The following DCDC2C variants were observed in gnomAD, a reference collection of about 807,000 sequenced individuals.
DCDC2C encodes the protein doublecortin domain containing 2C, also known as doublecortin domain-containing protein 2C.
In DCDC2C, 44 loss-of-function variants were observed where a neutral mutation model predicts 45.0. That is an observed-to-expected ratio of 0.98 (90% CI 0.77 to 1.26). The LOEUF (loss-of-function observed/expected upper bound fraction) is 1.26, where lower values mean the gene tolerates loss of function less well. Among genes scored for constraint, DCDC2C ranks in the 50% most tolerant of loss-of-function variants. The pLI, the probability that DCDC2C is intolerant of heterozygous loss-of-function variation, is 0.00. For missense variants in DCDC2C, 447 were observed against 468.9 expected (o/e 0.95, Z 0.43); for synonymous variants, 187 against 178.8 (o/e 1.05, Z -0.37).
chr2:3,826,779 T>A (rs1671828509), intron 10 of DCDC2C, among the ~76,000 whole-genome samples: 1 of 152,084 alleles, frequency 6.6e-6, no homozygotes, highest in South Asian at 2.1e-4. Flanking sequence ...GCAGCCCCCA[T>A]TAAAAAGTAT....
intron 10 of DCDC2C, among the ~76,000 whole-genome samples, chr2:3,813,055 ATATATATATATATTT>A (rs1671448178): frequency 1.0e-5 from 1 of 97,722 alleles, no homozygotes; most frequent in African/African-American, 4.8e-5. Context: ...ATATATATAT[ATATATATATATATTT>A]TTTTTTTTTT....
intron 10 of DCDC2C, among the ~76,000 whole-genome samples, chr2:3,786,225 T>C (rs1193120830): frequency 1.4e-5 from 2 of 146,806 alleles, no homozygotes; most frequent in African/African-American, 2.5e-5. Context: ...ACAGGGCCTC[T>C]CGTGTGGGTG....
chr2:3,777,707 G>A (rs1284119883), intron 8 of DCDC2C, among the ~76,000 whole-genome samples: 1 of 152,196 alleles, frequency 6.6e-6, no homozygotes, highest in East Asian at 1.9e-4. Flanking sequence ...AAGGTCTGAG[G>A]TCTGGGCTGA....
chr2:3,823,538 A>T, intron 10 of DCDC2C, among the ~76,000 whole-genome samples: 1 of 152,176 alleles, frequency 6.6e-6, no homozygotes, highest in South Asian at 2.1e-4. Context: ...GTTAAAAGTA[A>T]AGTATTGAAT....
intron 3 of DCDC2C, among the ~76,000 whole-genome samples, chr2:3,732,324 G>A (rs1400305231): frequency 6.6e-6 from 1 of 152,092 alleles, no homozygotes; most frequent in African/African-American, 2.4e-5. Flanking sequence ...TGGGACAGTC[G>A]TCTGCCTCTG....
At chr2:3,767,910 A>C (rs1326385164) in intron 7 of DCDC2C, 30 bp downstream of exon 7, 1 of 1,423,570 alleles carries the variant, frequency 7.0e-7, no homozygotes, top group Non-Finnish European at 9.2e-7. Context: ...TGCTGTAGGC[A>C]GTTCGAAACT....
chr2:3,741,788 G>T (rs1669217384), intron 3 of DCDC2C, 132 bp from the exon 4 acceptor site: 2 of 950,472 alleles, frequency 2.1e-6, no homozygotes, highest in Non-Finnish European at 1.5e-6. Context: ...ATAAGACATA[G>T]TATGAAGTAT....
rs1668127225 is a variant in DCDC2C at position 3,708,546 on chromosome 2, C to T, written c.288-3C>T. On this transcript the variant is annotated splice_region_variant and splice_polypyrimidine_tract_variant and intron_variant, in intron 1 of 10. Transcript: ENST00000399143. ...TGATGTTTTCTTCTTTCTTCTTTTG[C>T]AGTTATATTCATATAGTTCCCCGAA... 6.5e-7 allele frequency: 1 copy of T among 1,536,552 alleles called. No individual in the cohort carries two copies. Among genetic ancestry groups the T allele is most frequent in the Non-Finnish European group, 8.8e-7 (1 of 1,139,754 alleles).
intron 9 of DCDC2C, among the ~76,000 whole-genome samples, chr2:3,779,913 G>A (rs1670465210): frequency 6.6e-6 from 1 of 152,154 alleles, no homozygotes; most frequent in Admixed American, 6.5e-5. Context: ...ACTTGGAACG[G>A]GTGTTTGTTG....
Position 3,740,842 on chromosome 2 carries a change from T to G in DCDC2C, c.417-1078T>G, listed in dbSNP as rs535092493. Reference sequence around the variant, plus strand: ...GATTTATATTTACTCTAAAGAGAGATATTTCTCAAATTCTAAGTTATTTGC... The same window carrying G: ...GATTTATATTTACTCTAAAGAGAGAGATTTCTCAAATTCTAAGTTATTTGC... On this transcript the variant is annotated intron_variant, in intron 3 of 10. Transcript: ENST00000399143. Among the ~76,000 whole-genome samples the G allele has an allele frequency of 1.3e-4, 20 of 152,346 alleles. No homozygotes were observed. The Middle Eastern group carries it at 0.01, about 78-fold the overall frequency.
chr2:3,751,519 C>G (rs1669542044), intron 4 of DCDC2C, among the ~76,000 whole-genome samples: 2 of 152,214 alleles, frequency 1.3e-5, no homozygotes, highest in African/African-American at 4.8e-5. Flanking sequence ...GAAGCAGCAG[C>G]TTGTCAGCCA....
chr2:3,759,970 C>T (rs1669834041), intron 6 of DCDC2C, among the ~76,000 whole-genome samples: 1 of 152,214 alleles, frequency 6.6e-6, no homozygotes, highest in Admixed American at 6.5e-5. Flanking sequence ...AGGCATCTGG[C>T]CTCTGACCTC....
At chr2:3,769,592 C>T (rs1160021126) in intron 8 of DCDC2C, among the ~76,000 whole-genome samples, 181 bp downstream of exon 8, 1 of 152,218 alleles carries the variant, frequency 6.6e-6, no homozygotes, top group African/African-American at 2.4e-5. Flanking sequence ...CCTGTCTTCC[C>T]ACCTCCCCCA....
chr2:3,828,193 A>G (rs1671872925), intron 10 of DCDC2C, among the ~76,000 whole-genome samples: 1 of 152,196 alleles, frequency 6.6e-6, no homozygotes, highest in Non-Finnish European at 1.5e-5. Context: ...TTTTATTTTC[A>G]CGGTAACAAC....
chr2:3,817,668 G>T (rs901903017), intron 10 of DCDC2C, among the ~76,000 whole-genome samples: 9 of 152,190 alleles, frequency 5.9e-5, no homozygotes, highest in Non-Finnish European at 1.3e-4. Flanking sequence ...AGGCTACAGG[G>T]TGCAGTCCTG....
chr2:3,752,558 A>G (rs1194763309), intron 4 of DCDC2C: 3 of 675,938 alleles, frequency 4.4e-6, no homozygotes, highest in Non-Finnish European at 8.0e-6. Context: ...TAATTAAAAA[A>G]TCTAAAAGTG....
chr2:3,800,180 G>A (rs1671079627), intron 10 of DCDC2C, among the ~76,000 whole-genome samples: 1 of 152,198 alleles, frequency 6.6e-6, no homozygotes, highest in Admixed American at 6.5e-5. Context: ...GGAACTCCCT[G>A]ACCCCTTGCG....
chr2:3,758,069 A>T (rs1022240289), intron 6 of DCDC2C, among the ~76,000 whole-genome samples: 1 of 152,202 alleles, frequency 6.6e-6, no homozygotes, highest in Non-Finnish European at 1.5e-5. Context: ...ATTACTACTG[A>T]TGGAATAAAT....
At chr2:3,760,810 C>T (rs544695091) in intron 6 of DCDC2C, among the ~76,000 whole-genome samples, 6 of 151,444 alleles carry the variant, frequency 4.0e-5, no homozygotes, top group East Asian at 2.0e-4. Context: ...CAAACCTGCA[C>T]GTTCTGCACA....
Sources: allele counts gnomAD v4.1 joint callset (sites outside exome capture counted in the v4.1 genomes callset), GRCh38; gene constraint gnomAD v4.1.1; transcripts MANE v1.5; gene names NCBI Gene and HGNC (gene_info 2026-07-23, HGNC 2026-07-21).